The following IMPG1 variants were observed in gnomAD, a reference collection of about 807,000 sequenced individuals.
The protein encoded by IMPG1 is interphotoreceptor matrix proteoglycan of 150 kDa.
In IMPG1, 85 loss-of-function variants were observed where a neutral mutation model predicts 92.0. That is an observed-to-expected ratio of 0.92 (90% confidence interval 0.78 to 1.11). IMPG1 has a LOEUF of 1.11. IMPG1 is among the 50% of genes least tolerant of loss of function. IMPG1 has a pLI of 0.00. For synonymous variants in IMPG1, 367 were observed against 334.1 expected (o/e 1.10, Z -1.08); for missense variants, 1,022 against 956.0 (o/e 1.07, Z -0.91).
intron 4 of IMPG1, among the ~76,000 whole-genome samples, chr6:76,032,312 T>G (rs2149487308): frequency 6.6e-6 from 1 of 152,276 alleles, no homozygotes; most frequent in South Asian, 2.1e-4. Flanking sequence ...TCTTTGTATT[T>G]TTTTGAAAAT....
intron 7 of IMPG1, among the ~76,000 whole-genome samples, chr6:76,013,271 C>T (rs965212492): frequency 3.3e-5 from 5 of 152,116 alleles, no homozygotes; most frequent in East Asian, 3.9e-4. Context: ...GCACCCCACC[C>T]CCAGGTACCT....
At chr6:75,986,537 G>A (rs1419563118) in intron 12 of IMPG1, among the ~76,000 whole-genome samples, 1 of 152,152 alleles carries the variant, frequency 6.6e-6, no homozygotes. Flanking sequence ...TGCTGAGCAT[G>A]AATTTGTGAG....
chr6:76,022,126 A>T lies in IMPG1; in HGVS notation c.656T>A (p.Met219Lys). 1 of 1,574,864 alleles carries T rather than the reference A, an allele frequency of 6.3e-7. No homozygotes were observed. The highest frequency in any genetic ancestry group is 8.7e-7 in the Non-Finnish European group (1 of 1,149,310). ...ILDNTLNDTK[M>K]PTTERETEFA... The stretch of plus-strand genomic sequence containing the variant: ...CTAGGAACTTCTTACTGTTGTAGGC[A>T]TCTTGGTGTCGTTGAGTGTATTATC... Residue 219 changes from methionine to lysine, a missense_variant, in exon 6 of 17, where the codon ATG becomes AAG. Coordinates refer to ENST00000369950, the MANE Select transcript of IMPG1 (RefSeq NM_001563.4).
rs377064663 is a variant in IMPG1 at position 75,980,558 on chromosome 6, A to C, written c.1291+22360T>G. On this transcript the variant is annotated intron_variant, in intron 12 of 16. Coordinates refer to ENST00000369950, the MANE Select transcript of IMPG1 (RefSeq NM_001563.4). ...TGGCTAGGATAAAGCAGGCAGAAGA[A>C]GGTGGGAGAAGCTGACTTGCTGAGG... Among the ~76,000 whole-genome samples, 163 of 152,324 alleles carry C rather than the reference A, an allele frequency of 1.1e-3. 1 individual carries two copies. Among genetic ancestry groups the C allele is most frequent in the African/African-American group, 3.6e-3 (151 of 41,588 alleles).
rs1446153272 is a variant in IMPG1, at chr6:75,950,997, GC to G, written c.1388del (p.Gly463AlafsTer13). On this transcript the variant is annotated frameshift_variant, in exon 13 of 17. Transcript: ENST00000369950. LOFTEE classifies it high-confidence loss of function. ...GGTCAGTGGCCATTGTATCTGTGGTGCCTTGATCAGTCAGAGAGAAGATGCT... is the reference window on the plus strand; with the variant it reads ...GGTCAGTGGCCATTGTATCTGTGGTGCTTGATCAGTCAGAGAGAAGATGCT... ...ASSIFSLTDQ[G>X]TTDTMATDQT... 1.9e-6 allele frequency: 3 copies of G among 1,613,852 alleles called. No homozygotes were observed.
In IMPG1 at chr6:76,033,409, G is replaced by A. The variant is rs541895793; in HGVS notation, c.497+906C>T. On this transcript the variant is annotated intron_variant, in intron 4 of 16. Coordinates refer to ENST00000369950, the MANE Select transcript of IMPG1 (RefSeq NM_001563.4). ...AGGTTGGGAGTGGATATTCAGAATG[G>A]CAAGAGGAAGATGTAGGAATCTTTT... is the stretch of plus-strand genomic sequence containing the variant. Among the ~76,000 whole-genome samples, 3 of 152,318 alleles carry A rather than the reference G, an allele frequency of 2.0e-5. No individual in the cohort carries two copies. The South Asian group carries it at 6.2e-4, about 32-fold the overall frequency.
At chr6:75,953,828 G>T (rs1782074559) in intron 12 of IMPG1, among the ~76,000 whole-genome samples, 1 of 151,594 alleles carries the variant, frequency 6.6e-6, no homozygotes, top group African/African-American at 2.4e-5. Flanking sequence ...TGTTCTCATT[G>T]TTCATCTCCT....
intron 1 of IMPG1, among the ~76,000 whole-genome samples, chr6:76,064,319 T>A (rs1420804186): frequency 6.6e-6 from 1 of 151,788 alleles, no homozygotes; most frequent in Non-Finnish European, 1.5e-5. Context: ...GGGAGGAGGT[T>A]CTGCACCACA....
At chr6:76,018,034 C>T (rs1184973618) in intron 7 of IMPG1, among the ~76,000 whole-genome samples, 2 of 152,158 alleles carry the variant, frequency 1.3e-5, no homozygotes, top group East Asian at 1.9e-4. Context: ...TGAGCCACCG[C>T]GGTTGGCAAA....
chr6:75,923,559 G>A, intron 16 of IMPG1, 75 bp downstream of exon 16: 1 of 727,030 alleles, frequency 1.4e-6, no homozygotes, highest in South Asian at 1.6e-5. Flanking sequence ...TAAAATAAGA[G>A]GGACATAAAT....
chr6:76,011,916 C>CT (rs1202411006), intron 7 of IMPG1, among the ~76,000 whole-genome samples: 2 of 152,060 alleles, frequency 1.3e-5, no homozygotes, highest in South Asian at 2.1e-4. Context: ...GACATGAAAA[C>CT]TTTTTTGTCT....
chr6:76,015,956 GTTGGAATC>G (rs1292339676), intron 7 of IMPG1, among the ~76,000 whole-genome samples: 1 of 152,170 alleles, frequency 6.6e-6, no homozygotes, highest in Non-Finnish European at 1.5e-5. Flanking sequence ...GGCTGCCTGG[GTTGGAATC>G]TTGGCTTTGC....
At position 76,011,294 on chromosome 6, in the gene IMPG1, C is replaced by T. The variant is rs140376623; in HGVS notation, c.808-70G>A. 474 of 764,892 alleles carry T rather than the reference C, an allele frequency of 6.2e-4. 1 individual carries two copies. The highest frequency in any genetic ancestry group is 5.8e-3 in the African/African-American group (331 of 56,642). The allele number at this position is 764,892 out of a possible 1,614,324, so 47.4% of individuals were successfully genotyped here. On this transcript the variant is annotated intron_variant, in intron 7 of 16. Transcript: ENST00000369950. ...GGTCAGTTCTTGCCTAACTGAAAAACCTGAACACTTTTGATGAGTTAGGGG... is the reference window on the plus strand; with the variant it reads ...GGTCAGTTCTTGCCTAACTGAAAAATCTGAACACTTTTGATGAGTTAGGGG...
chr6:76,013,105 G>A (rs1783218587), intron 7 of IMPG1, among the ~76,000 whole-genome samples: 2 of 152,100 alleles, frequency 1.3e-5, no homozygotes, highest in Admixed American at 6.6e-5. Context: ...ATGGTTTTCT[G>A]GGTGTGTTGG....
intron 1 of IMPG1, among the ~76,000 whole-genome samples, chr6:76,064,234 G>A (rs2787853): frequency 0.54 from 81,634 of 151,694 alleles, 23,211 homozygotes; most frequent in South Asian, 0.65. Flanking sequence ...ACCAGGCTGG[G>A]GCTTGCAGGA....
intron 1 of IMPG1, among the ~76,000 whole-genome samples, chr6:76,071,909 A>C (rs1041574647): frequency 6.6e-6 from 1 of 152,092 alleles, no homozygotes; most frequent in Non-Finnish European, 1.5e-5. Flanking sequence ...AACTTCAAAA[A>C]CAACCAAATT....
chr6:75,943,160 C>T (rs1430886585), intron 14 of IMPG1, among the ~76,000 whole-genome samples: 4 of 152,120 alleles, frequency 2.6e-5, no homozygotes, highest in Non-Finnish European at 5.9e-5. Context: ...CTGACTACCA[C>T]GTGCTTTGGG....
chr6:76,033,101 A>G lies in IMPG1; in HGVS notation c.497+1214T>C, dbSNP rs1224190392. 3.3e-5 allele frequency among the ~76,000 whole-genome samples: 5 copies of G among 152,212 alleles called. No homozygotes were observed. The East Asian group carries it at 7.7e-4, about 23-fold the overall frequency. On this transcript the variant is annotated intron_variant, in intron 4 of 16. Transcript: ENST00000369950. Reference sequence around the variant, plus strand: ...GTTCAGTAACAGTGGGGTGCTAAAAATATCCTTGGGGCCAGAAGGGGTGAG... The same window carrying G: ...GTTCAGTAACAGTGGGGTGCTAAAAGTATCCTTGGGGCCAGAAGGGGTGAG...
At chr6:76,027,675 A>T (rs1783573281) in intron 4 of IMPG1, among the ~76,000 whole-genome samples, 1 of 152,224 alleles carries the variant, frequency 6.6e-6, no homozygotes, top group Non-Finnish European at 1.5e-5. Context: ...ATTCAAAAAA[A>T]GGTATTATAT....
Sources: gnomAD v4.1 joint callset for allele counts (sites outside exome capture counted in the v4.1 genomes callset) on GRCh38, gnomAD v4.1.1 for gene constraint, MANE v1.5 for transcripts, NCBI Gene and HGNC (gene_info 2026-07-23, HGNC 2026-07-21) for gene names.